MITF: variants seen among roughly 807,000 people sequenced by gnomAD.
MITF encodes the protein melanocyte inducing transcription factor.
A neutral mutation model predicts 60.5 loss-of-function variants in MITF; 17 were observed. The ratio of observed to expected loss-of-function variants is 0.28; its 90% CI spans 0.19 to 0.42. MITF has a LOEUF of 0.42. Ranked by LOEUF, MITF falls within the 10% of genes least tolerant of loss-of-function variation. The pLI is 1.00. For missense variants in MITF, 622 were observed against 683.5 expected, an observed-to-expected ratio of 0.91 and a Z score of 1.00; for synonymous variants, 260 against 248.5, an observed-to-expected ratio of 1.05 and a Z score of -0.43.
chr3:69,790,936 A>G (rs1169450796), intron 1 of MITF, among the ~76,000 whole-genome samples: 1 of 152,184 alleles, frequency 6.6e-6, no homozygotes, highest in Non-Finnish European at 1.5e-5. Context: ...TTAATTCCAA[A>G]TGCATCCAAT....
chr3:69,789,911 A>G (rs1559631219), intron 1 of MITF, among the ~76,000 whole-genome samples: 2 of 151,998 alleles, frequency 1.3e-5, no homozygotes, highest in East Asian at 1.9e-4. Flanking sequence ...TTTTGTGTGC[A>G]TGTATATATA....
rs558220283 is a variant in MITF, at chr3:69,804,320, C to T, written c.104+64619C>T. On this transcript the variant is annotated intron_variant, in intron 1 of 9. Transcript: ENST00000352241. ...ATTTCCCTCCCCTTCCTCTCCCCTA[C>T]CCCCTTTCCCCTTTACTCCCTCTCT... is the stretch of plus-strand genomic sequence containing the variant. Among the ~76,000 whole-genome samples the T allele has an allele frequency of 4.6e-5, 7 of 151,362 alleles. No individual in the cohort carries two copies. The East Asian group carries it at 1.4e-3, about 30-fold the overall frequency.
intron 1 of MITF, among the ~76,000 whole-genome samples, chr3:69,800,451 C>G (rs1458553744): frequency 6.6e-6 from 1 of 151,984 alleles, no homozygotes; most frequent in African/African-American, 2.4e-5. Context: ...GAGTATTTAC[C>G]TAAGAGCGGA....
chr3:69,954,121 A>G (rs2066338677), intron 7 of MITF, among the ~76,000 whole-genome samples: 2 of 152,210 alleles, frequency 1.3e-5, no homozygotes, highest in Non-Finnish European at 2.9e-5. Context: ...AAGTCATGGA[A>G]CTAAAAATAA....
intron 2 of MITF, among the ~76,000 whole-genome samples, chr3:69,880,635 A>G (rs1211178058): frequency 2.0e-5 from 3 of 151,974 alleles, no homozygotes; most frequent in African/African-American, 7.2e-5. Context: ...TAGATGATGC[A>G]TTGAATCTTT....
At chr3:69,832,247 T>C (rs1463642463) in intron 1 of MITF, among the ~76,000 whole-genome samples, 1 of 152,062 alleles carries the variant, frequency 6.6e-6, no homozygotes, top group Non-Finnish European at 1.5e-5. Context: ...AGGCCATTGG[T>C]GGTCAATTTA....
At chr3:69,756,465 AT>A (rs34858804) in intron 1 of MITF, among the ~76,000 whole-genome samples, 56,128 of 150,188 alleles carry the variant, frequency 0.37, 10,991 homozygotes, top group Non-Finnish European at 0.42. Flanking sequence ...ACATGAACTC[AT>A]TTTTTTTTTA....
chr3:69,948,368 C>T (rs970937217), intron 5 of MITF, among the ~76,000 whole-genome samples: 2 of 151,334 alleles, frequency 1.3e-5, no homozygotes, highest in Admixed American at 6.6e-5. Flanking sequence ...AAAACTCTGA[C>T]GCTAGCTTGG....
chr3:69,839,415 T>C (rs897119963), intron 1 of MITF, among the ~76,000 whole-genome samples: 2 of 152,152 alleles, frequency 1.3e-5, no homozygotes, highest in African/African-American at 4.8e-5. Context: ...TTAATTACTT[T>C]TTAAAGGCAG....
At chr3:69,794,911 C>T (rs1243120636) in intron 1 of MITF, among the ~76,000 whole-genome samples, 1 of 152,224 alleles carries the variant, frequency 6.6e-6, no homozygotes, top group East Asian at 1.9e-4. Context: ...AGCTGAAGTA[C>T]ATTCGTACTG....
intron 1 of MITF, among the ~76,000 whole-genome samples, chr3:69,741,480 C>G (rs1703526956): frequency 6.6e-6 from 1 of 152,070 alleles, no homozygotes; most frequent in Non-Finnish European, 1.5e-5. Flanking sequence ...CAAATGAGTG[C>G]CGTGAAACTC....
chr3:69,798,701 C>G (rs192760238), intron 1 of MITF, among the ~76,000 whole-genome samples: 12 of 152,376 alleles, frequency 7.9e-5, no homozygotes, highest in Admixed American at 6.5e-4. Context: ...CCTCCCTGGT[C>G]TCCCACATTG....
At chr3:69,948,979 A>G in intron 5 of MITF, 72 bp from the exon 6 acceptor site, 1 of 1,080,688 alleles carries the variant, frequency 9.3e-7, no homozygotes, top group Non-Finnish European at 1.4e-6. Context: ...CTAGAGTAGG[A>G]TATAGGTTTT....
intron 7 of MITF, among the ~76,000 whole-genome samples, chr3:69,952,158 C>T (rs2066272014): frequency 6.6e-6 from 1 of 152,008 alleles, no homozygotes; most frequent in African/African-American, 2.4e-5. Flanking sequence ...CTCTCTCTCT[C>T]TCTTTTTGGT....
At chr3:69,913,052 A>G (rs1454104153) in intron 2 of MITF, among the ~76,000 whole-genome samples, 1 of 152,190 alleles carries the variant, frequency 6.6e-6, no homozygotes, top group Non-Finnish European at 1.5e-5. Context: ...AAAGTTGTCT[A>G]GGATATATTA....
At chr3:69,760,717 A>G (rs1385744121) in intron 1 of MITF, among the ~76,000 whole-genome samples, 8 of 152,126 alleles carry the variant, frequency 5.3e-5, no homozygotes, top group Non-Finnish European at 1.5e-5. Context: ...CTTCCTGTGG[A>G]GACCAGGAAA....
intron 2 of MITF, among the ~76,000 whole-genome samples, chr3:69,881,951 T>C (rs1277987461): frequency 6.6e-6 from 1 of 152,170 alleles, no homozygotes; most frequent in Non-Finnish European, 1.5e-5. Flanking sequence ...TTGCATGCAC[T>C]AGAGAATCTG....
intron 1 of MITF, among the ~76,000 whole-genome samples, chr3:69,836,699 C>A (rs550246849): frequency 1.8e-4 from 27 of 152,328 alleles, no homozygotes; most frequent in South Asian, 8.3e-4. Context: ...TTTGAAACTG[C>A]TCTTTTCAGC....
chr3:69,877,987 G>T (rs79266366), intron 1 of MITF, among the ~76,000 whole-genome samples: 9,149 of 152,002 alleles, frequency 0.06, 411 homozygotes, highest in South Asian at 0.13. Context: ...AATATATATA[G>T]AGAGAGAAAT....
Sources: allele counts gnomAD v4.1 joint callset (sites outside exome capture counted in the v4.1 genomes callset), GRCh38; gene constraint gnomAD v4.1.1; transcripts MANE v1.5; gene names NCBI Gene and HGNC (gene_info 2026-07-23, HGNC 2026-07-21).